S1PR3: variants seen among roughly 807,000 people sequenced by gnomAD.
S1PR3 encodes the protein sphingosine 1-phosphate receptor 3.
S1PR3 carries 12 observed loss-of-function variants against 13.3 expected under a neutral mutation model. The observed-to-expected ratio is 0.90, with a 90% CI of 0.58 to 1.46. S1PR3 has a LOEUF of 1.46. S1PR3 is among the 40% of genes most tolerant of loss of function. The pLI is 0.00. For synonymous variants in S1PR3, 232 were observed against 214.0 expected, an observed-to-expected ratio of 1.08 and a Z score of -0.73; for missense variants, 450 against 501.9, an observed-to-expected ratio of 0.90 and a Z score of 0.99.
At chr9:88,994,717 T>A (rs1438322460) in intron 1 of S1PR3, 1 of 167,054 alleles carries the variant, frequency 6.0e-6, no homozygotes, top group Non-Finnish European at 1.5e-5. Context: ...TATGCCCAGA[T>A]AGCTCATAAT....
At position 89,001,439 on chromosome 9, in the gene S1PR3, A is replaced by G; in HGVS notation, c.239A>G (p.Asn80Ser). Residue 80 changes from asparagine (N) to serine (S), a missense_variant, in exon 2 of 2, where the codon AAC becomes AGC. Coordinates refer to ENST00000358157, the MANE Select transcript of S1PR3 (RefSeq NM_005226.4). The stretch of plus-strand genomic sequence containing the variant: ...AACCGCATGTACTTTTTCATTGGCA[A>G]CCTGGCTCTCTGCGACCTGCTGGCC... ...FHNRMYFFIG[N>S]LALCDLLAGI... 1.2e-6 allele frequency: 2 copies of G among 1,614,114 alleles called. No individual in the cohort carries two copies. The highest frequency in any genetic ancestry group is 1.1e-5 in the South Asian group (1 of 91,076).
chr9:88,991,860 C>T lies in S1PR3; in HGVS notation c.-148+165C>T. On this transcript the variant is annotated intron_variant, in intron 1 of 1. Coordinates refer to ENST00000358157, the MANE Select transcript of S1PR3 (RefSeq NM_005226.4). The surrounding 1 kb of genome is among the most constrained non-coding windows in gnomAD (Gnocchi z 4.0). ...CAGCACCCCTCCCCCAGAGCCGCTG[C>T]AGGAACAGGGAGGAGGCCTTTTCCA... 1 of 1,614,076 alleles carries T rather than the reference C, an allele frequency of 6.2e-7. No homozygotes were observed. The highest frequency in any genetic ancestry group is 1.1e-5 in the South Asian group (1 of 91,072).
chr9:88,996,260 C>T (rs1825802572), intron 1 of S1PR3: 1 of 152,180 alleles, frequency 6.6e-6, no homozygotes, highest in Non-Finnish European at 1.5e-5. Context: ...TAAAGCCCAT[C>T]TCAGACACCA....
upstream of S1PR3, chr9:88,990,951 G>A: frequency 6.2e-7 from 1 of 1,606,550 alleles, no homozygotes; most frequent in Non-Finnish European, 8.5e-7. Flanking sequence ...GGCGCCAGGC[G>A]CCCACCTGCA....
chr9:88,998,151 T>C (rs7038457), intron 1 of S1PR3: 22,434 of 152,120 alleles, frequency 0.15, 2,408 homozygotes, highest in African/African-American at 0.3. Flanking sequence ...ATTCTCCAGT[T>C]CCTGTTCACA....
chr9:88,991,474 C>G lies in S1PR3; in HGVS notation c.-369C>G, dbSNP rs914357659. 1.9e-6 allele frequency: 3 copies of G among 1,547,090 alleles called. No homozygotes were observed. The highest frequency in any genetic ancestry group is 4.9e-5 in the East Asian group (2 of 40,522). The stretch of plus-strand genomic sequence containing the variant: ...GTCTCTGACTCGCTCGGGCAGAGGC[C>G]GAGGAAGCCGGTTCCGGGGACGGGC... On this transcript the variant is annotated 5_prime_UTR_variant, in exon 1 of 2. Coordinates refer to ENST00000358157, the MANE Select transcript of S1PR3 (RefSeq NM_005226.4). The surrounding 1 kb of genome is among the most constrained non-coding windows in gnomAD (Gnocchi z 4.0).
Position 89,002,645 on chromosome 9 carries a change from A to G in S1PR3, c.*308A>G. The stretch of plus-strand genomic sequence containing the variant: ...ACAGAGAGGGAAGGTCGTGGGCCAC[A>G]CAATGCTGTGTGACCCTCTCCGTGT... On this transcript the variant is annotated 3_prime_UTR_variant, in exon 2 of 2. Transcript: ENST00000358157. 1 of 443,142 alleles carries G rather than the reference A, an allele frequency of 2.3e-6. No individual in the cohort carries two copies. The allele number at this position is 443,142 out of a possible 1,614,324, so 27.5% of individuals were successfully genotyped here. A position where few individuals can be genotyped will look rare whatever the true frequency, so the allele number is the denominator to read the frequency against.
At chr9:88,998,967 G>A (rs750346268) in intron 1 of S1PR3, 1 of 152,382 alleles carries the variant, frequency 6.6e-6, no homozygotes, top group African/African-American at 2.4e-5. Flanking sequence ...CAGGCCCCGG[G>A]CCCTGCGCTG....
Position 89,001,273 on chromosome 9 carries a change from G to C in S1PR3, c.73G>C (p.Val25Leu). The change falls in exon 2 of 2, where the codon GTG (valine) becomes CTG (leucine). Residue 25 changes from valine to leucine, a missense_variant. Physicochemically the swap from Val to Leu is conservative, Grantham distance 32. Coordinates refer to ENST00000358157, the MANE Select transcript of S1PR3 (RefSeq NM_005226.4). ...GACCCTGCGGGAGCATTACCAGTAC[G>C]TGGGGAAGTTGGCGGGCAGGCTGAA... ...NETLREHYQY[V>L]GKLAGRLKEA... 6.2e-7 allele frequency: 1 copy of C among 1,614,176 alleles called. No individual in the cohort carries two copies. The highest frequency in any genetic ancestry group is 8.5e-7 in the Non-Finnish European group (1 of 1,180,040).
chr9:89,003,219 G>A lies in S1PR3; in HGVS notation c.*882G>A, dbSNP rs1825892973. ...TGGCCTGGCTCACCTTCCCACGCCA[G>A]TGGGGCAGGGGTCTGCTTCAGGAAA... On this transcript the variant is annotated 3_prime_UTR_variant, in exon 2 of 2. Coordinates refer to ENST00000358157, the MANE Select transcript of S1PR3 (RefSeq NM_005226.4). 1 of 167,168 alleles carries A rather than the reference G, an allele frequency of 6.0e-6. No individual in the cohort carries two copies. Among genetic ancestry groups the A allele is most frequent in the South Asian group, 2.1e-4 (1 of 4,834 alleles). 10.4% of individuals were successfully genotyped at this position (167,168 alleles called of 1,614,324 possible). A position where few individuals can be genotyped will look rare whatever the true frequency, so the allele number is the denominator to read the frequency against.
rs1381992361 is a variant in S1PR3, at chr9:89,004,503, T to C, written c.*2166T>C. The stretch of plus-strand genomic sequence containing the variant: ...AGGTGATGAAATGACTTTGGAACTT[T>C]ATCTGTGTTATAGTTATGAGTTGCT... On this transcript the variant is annotated 3_prime_UTR_variant, in exon 2 of 2. Transcript: ENST00000358157. The C allele has an allele frequency of 6.0e-6, 1 of 167,142 alleles. No individual in the cohort carries two copies. Among genetic ancestry groups the C allele is most frequent in the Non-Finnish European group, 1.5e-5 (1 of 68,134 alleles). 10.4% of individuals were successfully genotyped at this position (167,142 alleles called of 1,614,324 possible).
chr9:89,002,168 C>A lies in S1PR3; in HGVS notation c.968C>A (p.Ala323Asp). 1 of 1,613,800 alleles carries A rather than the reference C, an allele frequency of 6.2e-7. No individual in the cohort carries two copies. The highest frequency in any genetic ancestry group is 8.5e-7 in the Non-Finnish European group (1 of 1,179,998). The change falls in exon 2 of 2, where the codon GCC (alanine) becomes GAC (aspartate). Residue 323 changes from alanine to aspartate, a missense_variant. Transcript: ENST00000358157. ...VCNCLVRGRG[A>D]RASPIQPALD... is the part of the protein sequence containing the mutation. The stretch of plus-strand genomic sequence containing the variant: ...AACTGCCTGGTCAGGGGACGGGGGG[C>A]CCGCGCCTCACCCATCCAGCCTGCG...
rs369803061 is a variant in S1PR3 at position 89,002,389 on chromosome 9, C to A, written c.*52C>A. 3.8e-6 allele frequency: 6 copies of A among 1,569,280 alleles called. No individual in the cohort carries two copies. Among genetic ancestry groups the A allele is most frequent in the South Asian group, 1.2e-5 (1 of 83,382 alleles). On this transcript the variant is annotated 3_prime_UTR_variant, in exon 2 of 2. Coordinates refer to ENST00000358157, the MANE Select transcript of S1PR3 (RefSeq NM_005226.4). Reference sequence around the variant, plus strand: ...CTGTGTTCTTATTTATTGCATGCGTCGCTTCCACAGGGGCCCCTCAAGAGC... The same window carrying A: ...CTGTGTTCTTATTTATTGCATGCGTAGCTTCCACAGGGGCCCCTCAAGAGC...
At position 89,001,659 on chromosome 9, in the gene S1PR3, C is replaced by T. The variant is rs375567824; in HGVS notation, c.459C>T (p.Arg153=). 2.5e-5 allele frequency: 41 copies of T among 1,614,098 alleles called. No individual in the cohort carries two copies. In the Middle Eastern group the frequency reaches 4.9e-4, roughly 19 times the overall value. Residue 153 remains arginine (R), a synonymous_variant, in exon 2 of 2, where the codon CGC becomes CGT. Coordinates refer to ENST00000358157, the MANE Select transcript of S1PR3 (RefSeq NM_005226.4). ...CTTACGACGCCAACAAGAGGCACCG[C>T]GTCTTCCTCCTGATCGGGATGTGCT... ...MRPYDANKRH[R]VFLLIGMCWL... is the part of the protein sequence containing the mutation.
At position 88,991,646 on chromosome 9, in the gene S1PR3, C is replaced by A; in HGVS notation, c.-197C>A. 1 of 1,521,110 alleles carries A rather than the reference C, an allele frequency of 6.6e-7. No individual in the cohort carries two copies. 94.2% of individuals were successfully genotyped at this position (1,521,110 alleles called of 1,614,324 possible). ...AGGACCGGGCGCCCCGGCACCGCCG[C>A]GCGCCACCCGCTAGGATGCCGGTGG... is the stretch of plus-strand genomic sequence containing the variant. On this transcript the variant is annotated 5_prime_UTR_variant, in exon 1 of 2. Coordinates refer to ENST00000358157, the MANE Select transcript of S1PR3 (RefSeq NM_005226.4). This position sits in a 1 kb window ranked among gnomAD's most constrained non-coding sequence, Gnocchi z 4.0.
Position 88,991,832 on chromosome 9 carries a change from C to T in S1PR3, c.-148+137C>T, listed in dbSNP as rs1825718922. On this transcript the variant is annotated intron_variant, in intron 1 of 1. Coordinates refer to ENST00000358157, the MANE Select transcript of S1PR3 (RefSeq NM_005226.4). The surrounding 1 kb of genome is among the most constrained non-coding windows in gnomAD (Gnocchi z 4.0). Reference sequence around the variant, plus strand: ...GCGCCACGGCGGCCGGAGCGCTCCACATCAGCACCCCTCCCCCAGAGCCGC... The same window carrying T: ...GCGCCACGGCGGCCGGAGCGCTCCATATCAGCACCCCTCCCCCAGAGCCGC... 2 of 1,612,700 alleles carry T rather than the reference C, an allele frequency of 1.2e-6. No homozygotes were observed. The highest frequency in any genetic ancestry group is 1.7e-6 in the Non-Finnish European group (2 of 1,179,404).
rs1344941827 is a variant in S1PR3, at chr9:89,003,466, G to A, written c.*1129G>A. On this transcript the variant is annotated 3_prime_UTR_variant, in exon 2 of 2. Coordinates refer to ENST00000358157, the MANE Select transcript of S1PR3 (RefSeq NM_005226.4). Reference sequence around the variant, plus strand: ...TCAGGTTAGAAAATGTGATCTGGCAGTTTATGCATTCTTCAGAGTAATGTA... The same window carrying A: ...TCAGGTTAGAAAATGTGATCTGGCAATTTATGCATTCTTCAGAGTAATGTA... 6.0e-6 allele frequency: 1 copy of A among 167,136 alleles called. No homozygotes were observed. Among genetic ancestry groups the A allele is most frequent in the East Asian group, 1.9e-4 (1 of 5,208 alleles). The allele number at this position is 167,136 out of a possible 1,614,324, so 10.4% of individuals were successfully genotyped here.
At chr9:88,996,148 C>T (rs141044167) in intron 1 of S1PR3, 1 of 155,622 alleles carries the variant, frequency 6.4e-6, no homozygotes, top group African/African-American at 2.4e-5. Flanking sequence ...ACTAATACTG[C>T]ATCAGTCTTG....
At chr9:88,991,288 C>G (rs4877039), upstream of S1PR3, 571,250 of 1,517,634 alleles carry the variant, frequency 0.38, 110,237 homozygotes, top group African/African-American at 0.57. The surrounding 1 kb of genome is among the most constrained non-coding windows in gnomAD (Gnocchi z 4.0). Flanking sequence ...GCGGGGCGCA[C>G]GGAGACCAGG....
Sources: gnomAD v4.1 joint callset for allele counts on GRCh38, gnomAD v4.1.1 for gene constraint, Gnocchi (gnomAD v3.1) non-coding constraint, MANE v1.5 for transcripts, NCBI Gene and HGNC (gene_info 2026-07-23, HGNC 2026-07-21) for gene names.